RFX3: variants seen among roughly 807,000 people sequenced by gnomAD.
The protein encoded by RFX3 is regulatory factor X3, also known as transcription factor RFX3.
Under a neutral mutation model 98.6 loss-of-function variants are expected in RFX3, and 14 were observed. The ratio of observed to expected loss-of-function variants is 0.14; its 90% confidence interval spans 0.09 to 0.22. The LOEUF (loss-of-function observed/expected upper bound fraction) is 0.22. Among genes scored for constraint, RFX3 ranks in the 10% least tolerant of loss-of-function variants. The pLI, the probability that RFX3 is intolerant of heterozygous loss-of-function variation, is 1.00. For synonymous variants in RFX3, 383 were observed against 328.4 expected (o/e 1.17, Z -1.80); for missense variants, 639 against 926.9 (o/e 0.69, Z 4.03).
chr9:3,403,412 G>C (rs1841665448), intron 1 of RFX3, among the ~76,000 whole-genome samples: 1 of 152,030 alleles, frequency 6.6e-6, no homozygotes, highest in Admixed American at 6.6e-5. Context: ...ATAAATCTTT[G>C]TACTAAATTG....
chr9:3,349,960 A>G (rs1389145321), intron 2 of RFX3, among the ~76,000 whole-genome samples: 1 of 152,138 alleles, frequency 6.6e-6, no homozygotes, highest in Non-Finnish European at 1.5e-5. Context: ...GGATAAAAAT[A>G]TAATAAGCAA....
At chr9:3,443,374 G>T (rs1180679170) in intron 1 of RFX3, among the ~76,000 whole-genome samples, 3 of 152,064 alleles carry the variant, frequency 2.0e-5, no homozygotes, top group African/African-American at 7.2e-5. Flanking sequence ...CTCTCCAACA[G>T]GCCCCAGTGA....
intron 1 of RFX3, among the ~76,000 whole-genome samples, chr9:3,508,000 G>A (rs1175158469): frequency 6.8e-6 from 1 of 147,796 alleles, no homozygotes; most frequent in Non-Finnish European, 1.5e-5. Flanking sequence ...GTGGGACACT[G>A]TGATAACTAA....
Position 3,525,941 on chromosome 9 carries a change from G to GAGA in RFX3, c.-204_-203insTCT. 1.3e-6 allele frequency: 1 copy of GAGA among 781,856 alleles called. No homozygotes were observed. Among genetic ancestry groups the GAGA allele is most frequent in the Non-Finnish European group, 1.5e-6 (1 of 648,264 alleles). The allele number at this position is 781,856 out of a possible 1,614,324, so 48.4% of individuals were successfully genotyped here. On this transcript the variant is annotated 5_prime_UTR_variant, in exon 1 of 17. Transcript: ENST00000617270. ...TAACTCACAAAAGAGAGAGAGAGAG[G>GAGA]GAGAGAGAGAGAGAGCGAGAGGGAG...
chr9:3,381,911 T>C (rs1200710042), intron 2 of RFX3, among the ~76,000 whole-genome samples: 1 of 152,210 alleles, frequency 6.6e-6, no homozygotes, highest in Non-Finnish European at 1.5e-5. Flanking sequence ...ACTTTCAGTT[T>C]TGAGCCTTAC....
At chr9:3,225,430 T>C in intron 16 of RFX3, 150 bp from the exon 17 acceptor site, 5 of 1,213,130 alleles carry the variant, frequency 4.1e-6, no homozygotes, top group Non-Finnish European at 3.4e-6. Flanking sequence ...TTTCTTTTCA[T>C]CAGATTTTAT....
intron 1 of RFX3, among the ~76,000 whole-genome samples, chr9:3,504,101 TTCTCTC>T (rs148460230): frequency 5.8e-5 from 8 of 137,602 alleles, no homozygotes; most frequent in Non-Finnish European, 7.7e-5. Context: ...CAATACATCT[TTCTCTC>T]TCTCTCTCTC....
In RFX3 at chr9:3,290,149, T is replaced by G. The variant is rs1020944617; in HGVS notation, c.732-1899A>C. Among the ~76,000 whole-genome samples the G allele has an allele frequency of 7.4e-4, 113 of 151,974 alleles. 1 individual carries two copies. The highest frequency in any genetic ancestry group is 2.7e-3 in the African/African-American group (111 of 41,466). ...TCCCTCCATAGTACTTATTTTCTCC[T>G]TATTTTTCTAGGGTTTGCTTCACAA... On this transcript the variant is annotated intron_variant, in intron 6 of 16. Transcript: ENST00000617270.
chr9:3,485,178 T>G (rs1850153064), intron 1 of RFX3, among the ~76,000 whole-genome samples: 1 of 152,090 alleles, frequency 6.6e-6, no homozygotes, highest in Non-Finnish European at 1.5e-5. Flanking sequence ...TGAAAACCAT[T>G]TCCCCTTGGA....
intron 2 of RFX3, among the ~76,000 whole-genome samples, chr9:3,371,461 T>C (rs1837843736): frequency 6.6e-6 from 1 of 152,196 alleles, no homozygotes; most frequent in Non-Finnish European, 1.5e-5. Flanking sequence ...AGATATGCTA[T>C]GACTTTGGGG....
chr9:3,449,780 G>T (rs536082601), intron 1 of RFX3, among the ~76,000 whole-genome samples: 1 of 151,230 alleles, frequency 6.6e-6, no homozygotes, highest in South Asian at 2.1e-4. Context: ...TTGAGCCCAA[G>T]AGATTGAAGC....
chr9:3,252,383 C>A (rs1821532319), intron 14 of RFX3, among the ~76,000 whole-genome samples: 1 of 152,048 alleles, frequency 6.6e-6, no homozygotes, highest in Admixed American at 6.5e-5. Flanking sequence ...GTAAGAGATC[C>A]TATAAATCAG....
At chr9:3,261,131 C>A (rs913867110) in intron 13 of RFX3, among the ~76,000 whole-genome samples, 1 of 151,956 alleles carries the variant, frequency 6.6e-6, no homozygotes, top group Non-Finnish European at 1.5e-5. Context: ...TTTTTAACAG[C>A]TTTACTGAAA....
At chr9:3,251,419 T>C (rs1586742215) in intron 14 of RFX3, among the ~76,000 whole-genome samples, 1 of 152,064 alleles carries the variant, frequency 6.6e-6, no homozygotes, top group African/African-American at 2.4e-5. Flanking sequence ...GCCATTATAG[T>C]TCACTGCAGC....
intron 5 of RFX3, among the ~76,000 whole-genome samples, chr9:3,296,281 A>T (rs1390600015): frequency 6.6e-6 from 1 of 151,934 alleles, no homozygotes; most frequent in Non-Finnish European, 1.5e-5. Context: ...TCATAGAAAT[A>T]GTGAGATAAT....
intron 1 of RFX3, among the ~76,000 whole-genome samples, chr9:3,425,964 G>A (rs1843978227): frequency 6.6e-6 from 1 of 152,006 alleles, no homozygotes; most frequent in African/African-American, 2.4e-5. Flanking sequence ...TTCAGTTCTT[G>A]AATTTTCACT....
At chr9:3,286,875 C>T (rs1826678733) in intron 7 of RFX3, among the ~76,000 whole-genome samples, 2 of 151,868 alleles carry the variant, frequency 1.3e-5, no homozygotes. Context: ...TTTCCTTCTG[C>T]TTCAATATTT....
intron 4 of RFX3, among the ~76,000 whole-genome samples, chr9:3,314,268 A>C (rs1320896368): frequency 1.3e-5 from 2 of 152,202 alleles, no homozygotes; most frequent in Non-Finnish European, 2.9e-5. Flanking sequence ...TATCCAGCCA[A>C]ACTAAGCTTC....
intron 2 of RFX3, among the ~76,000 whole-genome samples, chr9:3,348,722 C>G (rs1055801701): frequency 6.6e-6 from 1 of 151,916 alleles, no homozygotes; most frequent in African/African-American, 2.4e-5. Flanking sequence ...TGTTTGTATC[C>G]TTACGATTCT....
Sources: gnomAD v4.1 joint callset for allele counts (sites outside exome capture counted in the v4.1 genomes callset) on GRCh38, gnomAD v4.1.1 for gene constraint, MANE v1.5 for transcripts, NCBI Gene and HGNC (gene_info 2026-07-23, HGNC 2026-07-21) for gene names.